The following HYDIN variants were observed in gnomAD, a reference collection of about 807,000 sequenced individuals.
HYDIN encodes the protein axonemal central pair apparatus protein HYDIN.
Under a neutral mutation model 403.9 loss-of-function variants are expected in HYDIN, and 132 were observed. The observed-to-expected ratio is 0.33, with a 90% confidence interval of 0.28 to 0.38. The LOEUF (loss-of-function observed/expected upper bound fraction) is 0.38. Among genes scored for constraint, HYDIN ranks in the 10% least tolerant of loss-of-function variants. The pLI is 1.00. For missense variants in HYDIN, 2,827 were observed against 5,009.5 expected, an observed-to-expected ratio of 0.56 and a Z score of 13.15; for synonymous variants, 1,202 against 1,891.7, an observed-to-expected ratio of 0.64 and a Z score of 9.46.
At chr16:70,814,172 G>A (rs909322730) in intron 84 of HYDIN, among the ~76,000 whole-genome samples, 10 of 152,182 alleles carry the variant, frequency 6.6e-5, no homozygotes, top group African/African-American at 1.9e-4. Flanking sequence ...ATCTCCCCAC[G>A]AAATGCACAG....
At chr16:70,938,140 G>T (rs1447270975) in intron 44 of HYDIN, among the ~76,000 whole-genome samples, 2 of 152,262 alleles carry the variant, frequency 1.3e-5, no homozygotes, top group African/African-American at 4.8e-5. Flanking sequence ...CCAAGGCCAA[G>T]AAGGGGACCC....
rs1233370235 is a variant in HYDIN, at chr16:70,920,711, G to T, written c.7665C>A (p.Asp2555Glu). The change falls in exon 46 of 86, where the codon GAC becomes GAA. Residue 2555 changes from aspartate to glutamate, a missense_variant. Physicochemically the swap from Asp to Glu is conservative, Grantham distance 45. Transcript: ENST00000393567. ...RSDWEGEGEE[D>E]HEGKKEKDLG... ...GGTCCTTCTCCTTCTTCCCTTCGTG[G>T]TCCTCCTCCCCTTCCCCCTCCCAGT... 6.3e-7 allele frequency: 1 copy of T among 1,599,876 alleles called. No homozygotes were observed. Among genetic ancestry groups the T allele is most frequent in the East Asian group, 2.2e-5 (1 of 44,466 alleles).
intron 54 of HYDIN, among the ~76,000 whole-genome samples, chr16:70,895,033 AGGTTTTTCCAACTTTTCATT>A (rs1203987332): frequency 3.3e-5 from 5 of 152,118 alleles, no homozygotes; most frequent in Admixed American, 2.0e-4. Flanking sequence ...ATGGGCATTT[AGGTTTTTCCAACTTTTCATT>A]GTTATAAAAA....
intron 7 of HYDIN, among the ~76,000 whole-genome samples, chr16:71,143,724 T>C (rs1203476603): frequency 6.6e-6 from 1 of 152,270 alleles, no homozygotes; most frequent in African/African-American, 2.4e-5. Context: ...ATAGATATTA[T>C]TTAGCATTTT....
chr16:71,006,924 T>C (rs1233523765), intron 23 of HYDIN, among the ~76,000 whole-genome samples: 3 of 152,082 alleles, frequency 2.0e-5, no homozygotes, highest in Non-Finnish European at 4.4e-5. Flanking sequence ...ATTCAGCTTA[T>C]AAACTCTTGA....
chr16:71,214,583 C>T (rs998876256), intron 1 of HYDIN, among the ~76,000 whole-genome samples: 1 of 152,168 alleles, frequency 6.6e-6, no homozygotes, highest in African/African-American at 2.4e-5. Context: ...CTTTTTCTGT[C>T]CTTGGTTTAT....
At chr16:70,905,884 G>C (rs1253553827) in intron 50 of HYDIN, among the ~76,000 whole-genome samples, 1 of 151,320 alleles carries the variant, frequency 6.6e-6, no homozygotes, top group Non-Finnish European at 1.5e-5. Context: ...TCCCTCCTAA[G>C]CCCTCCTGTC....
At chr16:71,229,722 T>C (rs920628580) in intron 1 of HYDIN, among the ~76,000 whole-genome samples, 2 of 152,228 alleles carry the variant, frequency 1.3e-5, no homozygotes, top group Non-Finnish European at 2.9e-5. Flanking sequence ...ATTTCATTAG[T>C]TGCTATGGGC....
intron 47 of HYDIN, among the ~76,000 whole-genome samples, chr16:70,917,075 ACCATGC>A (rs2076863301): frequency 6.6e-6 from 1 of 151,952 alleles, no homozygotes; most frequent in African/African-American, 2.4e-5. Flanking sequence ...GGTGCATGCC[ACCATGC>A]CCGGCTAATT....
chr16:71,194,466 A>C (rs554841815), intron 1 of HYDIN, among the ~76,000 whole-genome samples: 1 of 152,342 alleles, frequency 6.6e-6, no homozygotes, highest in Admixed American at 6.5e-5. Flanking sequence ...TAGCAGTAAT[A>C]AACCAAAACT....
chr16:71,055,866 T>C (rs2081867714), intron 18 of HYDIN, among the ~76,000 whole-genome samples: 1 of 152,068 alleles, frequency 6.6e-6, no homozygotes, highest in African/African-American at 2.4e-5. Flanking sequence ...AAGAAAACGA[T>C]TCCAGATGCT....
chr16:71,054,209 C>G (rs1022930424), intron 18 of HYDIN, among the ~76,000 whole-genome samples: 1 of 152,266 alleles, frequency 6.6e-6, no homozygotes, highest in African/African-American at 2.4e-5. Flanking sequence ...TTTGTAAAAC[C>G]CATCAGAAAC....
chr16:71,032,278 T>G (rs915465208), intron 18 of HYDIN, among the ~76,000 whole-genome samples: 17 of 150,360 alleles, frequency 1.1e-4, no homozygotes, highest in African/African-American at 3.9e-4. Flanking sequence ...GAAATTTTTA[T>G]TTTTTATTCT....
intron 1 of HYDIN, among the ~76,000 whole-genome samples, chr16:71,225,368 C>T (rs1361755048): frequency 6.6e-6 from 1 of 152,194 alleles, no homozygotes; most frequent in Non-Finnish European, 1.5e-5. Context: ...ATTCCTTAAA[C>T]TCTCATACCC....
intron 83 of HYDIN, among the ~76,000 whole-genome samples, chr16:70,819,348 G>T (rs567795645): frequency 1.3e-5 from 2 of 152,108 alleles, no homozygotes; most frequent in African/African-American, 4.8e-5. Context: ...CACACAATTC[G>T]TAGGCACTGT....
intron 1 of HYDIN, among the ~76,000 whole-genome samples, chr16:71,197,875 C>A (rs900425158): frequency 6.6e-6 from 1 of 152,106 alleles, no homozygotes; most frequent in Non-Finnish European, 1.5e-5. Context: ...AGCCTCCCGA[C>A]TAGCTGGGAT....
chr16:70,989,985 A>C (rs1361594672), intron 25 of HYDIN, among the ~76,000 whole-genome samples: 2 of 152,240 alleles, frequency 1.3e-5, no homozygotes, highest in East Asian at 3.9e-4. Context: ...AGAGCAAGCA[A>C]GATGGTCGAG....
chr16:71,065,063 A>G (rs1269052819), intron 15 of HYDIN, among the ~76,000 whole-genome samples: 4 of 152,246 alleles, frequency 2.6e-5, no homozygotes, highest in Admixed American at 2.6e-4. Flanking sequence ...CTCCTTGAAG[A>G]GCTGTCTGGT....
intron 43 of HYDIN, among the ~76,000 whole-genome samples, chr16:70,939,547 G>C (rs1275955495): frequency 1.3e-5 from 2 of 152,186 alleles, no homozygotes; most frequent in African/African-American, 4.8e-5. Flanking sequence ...GAACATGCCA[G>C]GCACTGGGGA....
Sources: gnomAD v4.1 joint callset for allele counts (sites outside exome capture counted in the v4.1 genomes callset) on GRCh38, gnomAD v4.1.1 for gene constraint, MANE v1.5 for transcripts, NCBI Gene and HGNC (gene_info 2026-07-23, HGNC 2026-07-21) for gene names.